The following DNAJC11 variants were observed in gnomAD, a reference collection of about 807,000 sequenced individuals.
DNAJC11 encodes the protein dnaJ homolog subfamily C member 11.
DNAJC11 carries 15 observed loss-of-function variants against 78.6 expected under a neutral mutation model. The ratio of observed to expected loss-of-function variants is 0.19; its 90% CI spans 0.13 to 0.29. The LOEUF (loss-of-function observed/expected upper bound fraction) is 0.29, where lower values mean the gene tolerates loss of function less well. Ranked by LOEUF, DNAJC11 falls within the 10% of genes least tolerant of loss-of-function variation. The pLI, the probability that DNAJC11 is intolerant of heterozygous loss-of-function variation, is 1.00. For synonymous variants in DNAJC11, 292 were observed against 272.1 expected, an observed-to-expected ratio of 1.07 and a Z score of -0.72; for missense variants, 547 against 709.6, an observed-to-expected ratio of 0.77 and a Z score of 2.60.
chr1:6,651,744 T>G, intron 6 of DNAJC11, 142 bp from the exon 7 acceptor site: 1 of 658,722 alleles, frequency 1.5e-6, no homozygotes, highest in Non-Finnish European at 2.7e-6. Flanking sequence ...GGGTGGAAGA[T>G]TGTTAATGTC....
intron 3 of DNAJC11, among the ~76,000 whole-genome samples, chr1:6,673,585 C>T (rs758340282): frequency 2.0e-5 from 3 of 152,214 alleles, no homozygotes; most frequent in Non-Finnish European, 2.9e-5. Context: ...GTATAGCCTG[C>T]ACCCAGGTTC....
At chr1:6,677,158 C>G (rs927796567) in intron 3 of DNAJC11, among the ~76,000 whole-genome samples, 2 of 49,478 alleles carry the variant, frequency 4.0e-5, no homozygotes, top group Non-Finnish European at 8.2e-5. Context: ...AACTTGGTCT[C>G]AAAAAAAAAA....
chr1:6,669,832 C>T (rs946533268), intron 3 of DNAJC11, among the ~76,000 whole-genome samples: 24 of 152,098 alleles, frequency 1.6e-4, no homozygotes, highest in African/African-American at 5.5e-4. Context: ...CAGGGGTATA[C>T]GAAAGCAGAT....
intron 4 of DNAJC11, 122 bp from the exon 5 acceptor site, chr1:6,654,161 G>A (rs1450644217): frequency 2.4e-6 from 3 of 1,252,098 alleles, no homozygotes; most frequent in African/African-American, 1.5e-5. Context: ...GGTTCACTGG[G>A]TTTAGGTAGG....
intron 7 of DNAJC11, among the ~76,000 whole-genome samples, chr1:6,649,615 C>T (rs1642023208): frequency 6.6e-6 from 1 of 152,180 alleles, no homozygotes; most frequent in Non-Finnish European, 1.5e-5. Flanking sequence ...CCATGCCCCA[C>T]AGACAAACGA....
intron 12 of DNAJC11, 57 bp from the exon 13 acceptor site, chr1:6,637,561 G>C: frequency 6.3e-7 from 1 of 1,594,550 alleles, no homozygotes; most frequent in African/African-American, 1.3e-5. Context: ...TCCACCTCTG[G>C]TGAGAGGGCC....
At chr1:6,651,489 CA>C in intron 7 of DNAJC11, 39 bp downstream of exon 7, 1 of 1,574,812 alleles carries the variant, frequency 6.3e-7, no homozygotes. Flanking sequence ...CCTAAGCCAA[CA>C]AAGACCACCA....
chr1:6,700,806 T>C (rs1642912633), intron 1 of DNAJC11, among the ~76,000 whole-genome samples: 1 of 152,204 alleles, frequency 6.6e-6, no homozygotes, highest in African/African-American at 2.4e-5. Flanking sequence ...TCATTACCAC[T>C]GGAAAACCTG....
chr1:6,680,233 TA>T lies in DNAJC11; in HGVS notation c.202+674del, dbSNP rs1382699261. On this transcript the variant is annotated intron_variant, in intron 2 of 15. Coordinates refer to ENST00000377577, the MANE Select transcript of DNAJC11 (RefSeq NM_018198.4). This position sits in a 1 kb window ranked among gnomAD's most constrained non-coding sequence, Gnocchi z 4.0. ...GGTGGTAAAATATACATATAATATT[TA>T]CCATTTTAACCATTTTAAAGTATAC... Among the ~76,000 whole-genome samples, 2 of 152,224 alleles carry T rather than the reference TA, an allele frequency of 1.3e-5. No homozygotes were observed. Among genetic ancestry groups the T allele is most frequent in the African/African-American group, 4.8e-5 (2 of 41,468 alleles).
At chr1:6,658,899 C>T (rs1276995634) in intron 4 of DNAJC11, among the ~76,000 whole-genome samples, 1 of 152,198 alleles carries the variant, frequency 6.6e-6, no homozygotes, top group African/African-American at 2.4e-5. Flanking sequence ...CAAGTTAATA[C>T]AGCCCAGATA....
At chr1:6,691,188 G>GAAAA (rs5772249) in intron 1 of DNAJC11, among the ~76,000 whole-genome samples, 70 of 125,194 alleles carry the variant, frequency 5.6e-4, no homozygotes, top group African/African-American at 2.1e-3. Flanking sequence ...CCCAAAGACT[G>GAAAA]AAAAAAAAAA....
intron 12 of DNAJC11, 90 bp downstream of exon 12, chr1:6,638,205 A>G (rs2148726565): frequency 1.5e-6 from 2 of 1,307,546 alleles, no homozygotes; most frequent in South Asian, 2.9e-5. Context: ...GGAGAAGAGA[A>G]GTCTGACCTC....
chr1:6,651,264 C>T, intron 7 of DNAJC11: 1 of 652,226 alleles, frequency 1.5e-6, no homozygotes, highest in South Asian at 1.5e-5. Flanking sequence ...TCTCCGTGGC[C>T]TTGTGGCATA....
Position 6,645,846 on chromosome 1 carries a change from G to C in DNAJC11, c.837C>G (p.Ala279=). 6.2e-7 allele frequency: 1 copy of C among 1,614,184 alleles called. No homozygotes were observed. The highest frequency in any genetic ancestry group is 8.5e-7 in the Non-Finnish European group (1 of 1,180,030). The change falls in exon 8 of 16, where the codon GCC becomes GCG. Residue 279 remains alanine (A), a synonymous_variant. Transcript: ENST00000377577. The surrounding 1 kb of genome is among the most constrained non-coding windows in gnomAD (Gnocchi z 4.1). ...YLQWRWGIQS[A]MNTSIVRDTK... ...TGTCTCGGACGATGCTAGTGTTCAT[G>C]GCTGACTGGATACCCCATCGCCACT...
intron 1 of DNAJC11, among the ~76,000 whole-genome samples, chr1:6,689,865 AG>A (rs989003846): frequency 7.2e-5 from 11 of 152,286 alleles, no homozygotes; most frequent in African/African-American, 2.6e-4. Context: ...CAAAGTGAAA[AG>A]GAAGGACCGA....
intron 1 of DNAJC11, among the ~76,000 whole-genome samples, chr1:6,694,873 G>A (rs1642808355): frequency 6.6e-6 from 1 of 151,370 alleles, no homozygotes; most frequent in Non-Finnish European, 1.5e-5. Flanking sequence ...TACTCAGGAG[G>A]CTGAGGCAGG....
rs906839421 is a variant in DNAJC11, at chr1:6,674,533, C to T, written c.276+3861G>A. Among the ~76,000 whole-genome samples, 5 of 152,126 alleles carry T rather than the reference C, an allele frequency of 3.3e-5. No homozygotes were observed. In the South Asian group the frequency reaches 8.3e-4, roughly 25 times the overall value. On this transcript the variant is annotated intron_variant, in intron 3 of 15. Transcript: ENST00000377577. ...CCAAGATCACGCCACTACACTCAGC[C>T]TGGGCAACAGAGCAAGACTCCGTCT...
chr1:6,647,378 C>T (rs1326109345), intron 7 of DNAJC11, among the ~76,000 whole-genome samples: 1 of 152,048 alleles, frequency 6.6e-6, no homozygotes, highest in Non-Finnish European at 1.5e-5. Flanking sequence ...CCACTGTGCC[C>T]AGCCAACAGG....
Position 6,634,514 on chromosome 1 carries a change from G to C in DNAJC11, c.*1161C>G. On this transcript the variant is annotated 3_prime_UTR_variant, in exon 16 of 16. Coordinates refer to ENST00000377577, the MANE Select transcript of DNAJC11 (RefSeq NM_018198.4). The stretch of plus-strand genomic sequence containing the variant: ...AGGCCGGCGCAGCTTGGGGCCCCCC[G>C]CGCCAGCTGTCTCAGCCACCACCTG... 2 of 1,351,902 alleles carry C rather than the reference G, an allele frequency of 1.5e-6. No individual in the cohort carries two copies. Among genetic ancestry groups the C allele is most frequent in the South Asian group, 2.3e-5 (2 of 85,684 alleles). The allele number at this position is 1,351,902 out of a possible 1,614,324, so 83.7% of individuals were successfully genotyped here. A position where few individuals can be genotyped will look rare whatever the true frequency, so the allele number is the denominator to read the frequency against.
Sources: allele counts gnomAD v4.1 joint callset (sites outside exome capture counted in the v4.1 genomes callset), GRCh38; gene constraint gnomAD v4.1.1; non-coding constraint Gnocchi (gnomAD v3.1); transcripts MANE v1.5; gene names NCBI Gene and HGNC (gene_info 2026-07-23, HGNC 2026-07-21).